Variants in CEP192 observed in about 807,000 individuals in gnomAD.
The protein encoded by CEP192 is centrosomal protein of 192 kDa.
In CEP192, 151 loss-of-function variants were observed where a neutral mutation model predicts 271.8. The ratio of observed to expected loss-of-function variants is 0.56; its 90% CI spans 0.49 to 0.64. The LOEUF (loss-of-function observed/expected upper bound fraction) is 0.64, where lower values mean the gene tolerates loss of function less well. Among genes scored for constraint, CEP192 ranks in the 30% least tolerant of loss-of-function variants. The pLI is 0.00. For missense variants in CEP192, 2,910 were observed against 3,020.5 expected, an observed-to-expected ratio of 0.96 and a Z score of 0.86; for synonymous variants, 995 against 1,076.5, an observed-to-expected ratio of 0.92 and a Z score of 1.48.
At chr18:13,022,759 T>C (rs548105903) in intron 9 of CEP192, among the ~76,000 whole-genome samples, 25 of 152,340 alleles carry the variant, frequency 1.6e-4, no homozygotes, top group Admixed American at 1.0e-3. Flanking sequence ...AAATTGAATG[T>C]ATAGGTGAAG....
chr18:13,052,981 T>C lies in CEP192; in HGVS notation c.3080T>C (p.Leu1027Ser), dbSNP rs748549924. Reference sequence around the variant, plus strand: ...CAGCAGCCTCCCTGTGAGCAGGAGTTGTCTCCCTTGGTGTGCTCGCCTGCT... The same window carrying C: ...CAGCAGCCTCCCTGTGAGCAGGAGTCGTCTCCCTTGGTGTGCTCGCCTGCT... The part of the protein sequence containing the change: ...QQQQPPCEQE[L>S]SPLVCSPAGV... Residue 1027 changes from leucine (L) to serine (S), a missense_variant, in exon 18 of 45, where the codon TTG becomes TCG. By Grantham distance (145) the Leu-to-Ser change is moderately radical (BLOSUM62 -2). Coordinates refer to ENST00000506447, the MANE Select transcript of CEP192 (RefSeq NM_032142.4). 6.4e-5 allele frequency: 104 copies of C among 1,613,730 alleles called. No individual in the cohort carries two copies. The highest frequency in any genetic ancestry group is 8.2e-5 in the Non-Finnish European group (97 of 1,179,818).
At chr18:13,004,932 A>G (rs1160416249) in intron 3 of CEP192, among the ~76,000 whole-genome samples, 1 of 152,062 alleles carries the variant, frequency 6.6e-6, no homozygotes, top group African/African-American at 2.4e-5. Flanking sequence ...CTTTAGGTTA[A>G]GGAGGAGGAG....
intron 21 of CEP192, among the ~76,000 whole-genome samples, chr18:13,066,971 G>GTGTGTGTGTA (rs1247513217): frequency 3.4e-5 from 5 of 146,932 alleles, no homozygotes; most frequent in African/African-American, 1.2e-4. Flanking sequence ...GTCTGTGTGT[G>GTGTGTGTGTA]TGTGTGTGTG....
Position 13,049,604 on chromosome 18 carries a change from A to G in CEP192, c.2813A>G (p.Glu938Gly), listed in dbSNP as rs1422613190. ...RDNRENQRQNECVSEISNSEK... is the reference protein window; with the variant it reads ...RDNRENQRQNGCVSEISNSEK... ...AACAGAGAAAATCAGAGGCAAAATG[A>G]GTGTGTCAGTGAAATAAGCAACAGT... is the stretch of plus-strand genomic sequence containing the variant. Residue 938 changes from glutamate (E) to glycine (G), a missense_variant, in exon 16 of 45, where the codon GAG (glutamate) becomes GGG (glycine). Transcript: ENST00000506447. The G allele has an allele frequency of 2.5e-5, 40 of 1,613,874 alleles. No homozygotes were observed. The highest frequency in any genetic ancestry group is 2.8e-5 in the Non-Finnish European group (33 of 1,180,002).
chr18:13,086,703 C>CTA (rs59786730), intron 30 of CEP192, among the ~76,000 whole-genome samples: 2,839 of 152,302 alleles, frequency 0.019, 82 homozygotes, highest in African/African-American at 0.064. Context: ...ATATTTTACT[C>CTA]TATAAACTTC....
At chr18:13,064,899 TC>T (rs564174215) in intron 21 of CEP192, among the ~76,000 whole-genome samples, 42 of 152,314 alleles carry the variant, frequency 2.8e-4, no homozygotes, top group African/African-American at 9.9e-4. Flanking sequence ...TGTTGATTGT[TC>T]CAGTCTGTAA....
At position 13,068,357 on chromosome 18, in the gene CEP192, A is replaced by G. The variant is rs1334087497; in HGVS notation, c.4759-2A>G. On this transcript the variant is annotated splice_acceptor_variant, in intron 23 of 44. Coordinates refer to ENST00000506447, the MANE Select transcript of CEP192 (RefSeq NM_032142.4). LOFTEE classifies it high-confidence loss of function. ...AGACAAATTTTTCTTTTAATTTTAT[A>G]GGATCCAGAATTTCTGATGATTTGG... 1.2e-6 allele frequency: 2 copies of G among 1,611,256 alleles called. No individual in the cohort carries two copies. The highest frequency in any genetic ancestry group is 1.7e-6 in the Non-Finnish European group (2 of 1,178,460).
chr18:13,059,296 A>G lies in CEP192; in HGVS notation c.4472A>G (p.Glu1491Gly). The G allele has an allele frequency of 6.2e-7, 1 of 1,613,772 alleles. No individual in the cohort carries two copies. Among genetic ancestry groups the G allele is most frequent in the South Asian group, 1.1e-5 (1 of 91,068 alleles). The stretch of plus-strand genomic sequence containing the variant: ...ACCGTCACTCTCACTGCCATTGCCG[A>G]GAGTCCTGTTATTGAGGTACCTGTT... ...ASTVTLTAIA[E>G]SPVIEVETEK... is the part of the protein sequence containing the mutation. The change falls in exon 21 of 45, where the codon GAG becomes GGG. Residue 1491 changes from glutamate to glycine, a missense_variant. Glu to Gly is a moderately conservative substitution (Grantham distance 98). Transcript: ENST00000506447.
intron 1 of CEP192, among the ~76,000 whole-genome samples, chr18:12,996,086 T>C (rs2033213728): frequency 6.6e-6 from 1 of 152,000 alleles, no homozygotes; most frequent in African/African-American, 2.4e-5. Context: ...AGTAATGTTA[T>C]AGGGTGACTT....
At chr18:13,075,998 A>C (rs1468279195) in intron 30 of CEP192, among the ~76,000 whole-genome samples, 1 of 152,170 alleles carries the variant, frequency 6.6e-6, no homozygotes, top group Non-Finnish European at 1.5e-5. Flanking sequence ...ACATTGGCAG[A>C]GTCTGGAGTT....
At chr18:13,032,625 C>T (rs779106931) in intron 11 of CEP192, among the ~76,000 whole-genome samples, 1 of 152,032 alleles carries the variant, frequency 6.6e-6, no homozygotes, top group East Asian at 1.9e-4. Flanking sequence ...ACTTAATGAC[C>T]TAATAATTGT....
At chr18:13,104,208 A>G (rs1452802650) in intron 39 of CEP192, among the ~76,000 whole-genome samples, 2 of 152,190 alleles carry the variant, frequency 1.3e-5, no homozygotes, top group Admixed American at 1.3e-4. Context: ...TGAGCATTGT[A>G]TGTGCACATG....
Position 13,030,609 on chromosome 18 carries a change from G to T in CEP192, c.1534+1G>T. 2 of 1,595,312 alleles carry T rather than the reference G, an allele frequency of 1.3e-6. No homozygotes were observed. Among genetic ancestry groups the T allele is most frequent in the Non-Finnish European group, 1.7e-6 (2 of 1,164,588 alleles). ...ATGAATGAAGACTTCAGATCTGGTT[G>T]TAAGTATATGGATAAACATTTATTA... On this transcript the variant is annotated splice_donor_variant, in intron 11 of 44. Transcript: ENST00000506447. LOFTEE classifies it high-confidence loss of function.
rs774303117 is a variant in CEP192 at position 13,056,532 on chromosome 18, A to T, written c.3942A>T (p.Leu1314=). 1.2e-6 allele frequency: 2 copies of T among 1,614,222 alleles called. No individual in the cohort carries two copies. Among genetic ancestry groups the T allele is most frequent in the South Asian group, 2.2e-5 (2 of 91,084 alleles). Residue 1314 remains leucine (L), a synonymous_variant, in exon 19 of 45, where the codon CTA becomes CTT. Coordinates refer to ENST00000506447, the MANE Select transcript of CEP192 (RefSeq NM_032142.4). ...ACTCTGTGGCTGTGGGAATTTGTCT[A>T]GGATCAAATATCGGCTCTGGATGGA... ...VQNSVAVGIC[L]GSNIGSGWMG... is the part of the protein sequence containing the mutation.
At chr18:13,115,708 A>G (rs75001770) in intron 42 of CEP192, among the ~76,000 whole-genome samples, 4,343 of 152,286 alleles carry the variant, frequency 0.029, 232 homozygotes, top group African/African-American at 0.1. Context: ...CCCAGATACC[A>G]TTCAGCAAAC....
intron 9 of CEP192, among the ~76,000 whole-genome samples, chr18:13,022,289 C>T (rs766205368): frequency 5.9e-5 from 9 of 152,136 alleles, no homozygotes; most frequent in Non-Finnish European, 1.2e-4. Flanking sequence ...TGAAATTGGA[C>T]AGTGTCTTCT....
At chr18:13,073,455 G>A (rs2038116890) in intron 30 of CEP192, among the ~76,000 whole-genome samples, 1 of 152,080 alleles carries the variant, frequency 6.6e-6, no homozygotes, top group South Asian at 2.1e-4. Context: ...CAGCTTTTTA[G>A]GAACACATCT....
chr18:13,017,663 A>G (rs2034734659), intron 7 of CEP192, among the ~76,000 whole-genome samples: 1 of 152,186 alleles, frequency 6.6e-6, no homozygotes, highest in Non-Finnish European at 1.5e-5. Context: ...TAAGTCACAG[A>G]GAGTATGACA....
At chr18:13,084,361 C>A (rs552394348) in intron 30 of CEP192, among the ~76,000 whole-genome samples, 1 of 152,016 alleles carries the variant, frequency 6.6e-6, no homozygotes, top group Admixed American at 6.5e-5. Flanking sequence ...AGGCTACTGC[C>A]TTACAGGTGG....
Sources: allele counts gnomAD v4.1 joint callset (sites outside exome capture counted in the v4.1 genomes callset), GRCh38; gene constraint gnomAD v4.1.1; transcripts MANE v1.5; gene names NCBI Gene and HGNC (gene_info 2026-07-23, HGNC 2026-07-21).